The following RABGGTA variants were observed in gnomAD, a reference collection of about 807,000 sequenced individuals.
RABGGTA encodes Rab geranylgeranyltransferase subunit alpha.
Under a neutral mutation model 83.3 loss-of-function variants are expected in RABGGTA, and 69 were observed. The observed-to-expected ratio is 0.83, with a 90% CI of 0.68 to 1.01. The LOEUF (loss-of-function observed/expected upper bound fraction) is 1.01, where lower values mean the gene tolerates loss of function less well. Ranked by LOEUF, RABGGTA falls within the 50% of genes least tolerant of loss-of-function variation. The pLI, the probability that RABGGTA is intolerant of heterozygous loss-of-function variation, is 0.00. For missense variants in RABGGTA, 681 were observed against 712.7 expected (o/e 0.96, Z 0.51); for synonymous variants, 310 against 299.8 (o/e 1.03, Z -0.35).
chr14:24,271,012 A>G (rs1202336410), intron 2 of RABGGTA, 65 bp from the exon 3 acceptor site: 1 of 1,602,210 alleles, frequency 6.2e-7, no homozygotes, highest in Non-Finnish European at 8.5e-7. Context: ...CAAAAACCCC[A>G]CACTGTGGAG....
At position 24,270,381 on chromosome 14, in the gene RABGGTA, G is replaced by C; in HGVS notation, c.192C>G (p.Thr64=). ...GCACCTCTCGTCGGCAGTTCCAGAG[G>C]GTGGCAAAATCAGGGTTGGCTCCCA... ...QILGANPDFA[T]LWNCRREVLQ... The change falls in exon 4 of 17, where the codon ACC becomes ACG. Residue 64 remains threonine, a synonymous_variant. Transcript: ENST00000216840. 1.2e-6 allele frequency: 2 copies of C among 1,613,976 alleles called. No homozygotes were observed. Among genetic ancestry groups the C allele is most frequent in the Non-Finnish European group, 1.7e-6 (2 of 1,179,880 alleles).
chr14:24,266,991 G>T, intron 14 of RABGGTA, 102 bp from the exon 15 acceptor site: 1 of 843,154 alleles, frequency 1.2e-6, no homozygotes, highest in Non-Finnish European at 2.0e-6. Context: ...TGCCCCACAG[G>T]CCCTTGGGGA....
chr14:24,266,745 C>A lies in RABGGTA; in HGVS notation c.1467+31G>T, dbSNP rs533780062. 3 of 1,569,596 alleles carry A rather than the reference C, an allele frequency of 1.9e-6. No individual in the cohort carries two copies. In the Admixed American group the frequency reaches 5.0e-5, roughly 26 times the overall value. ...GGAGAGGAAGAGGAAAAGAACCACC[C>A]GTGACAGGGACGGAGACATGGGTAC... On this transcript the variant is annotated intron_variant, in intron 15 of 16. Transcript: ENST00000216840.
chr14:24,267,775 G>A lies in RABGGTA; in HGVS notation c.1238C>T (p.Ala413Val), dbSNP rs1217481883. ...ATACGTTGCCCGCATGGGGTCCACG[G>A]CCTGGAGTGGATGAGGTGGGCAGGG... ...ETLQYFQTLK[A>V]VDPMRATYLD... Residue 413 changes from alanine to valine, a missense_variant and splice_region_variant, in exon 14 of 17, where the codon GCC (alanine) becomes GTC (valine). By Grantham distance (64) the Ala-to-Val change is moderately conservative. Coordinates refer to ENST00000216840, the MANE Select transcript of RABGGTA (RefSeq NM_182836.3). 6.2e-7 allele frequency: 1 copy of A among 1,612,406 alleles called. No individual in the cohort carries two copies. Among genetic ancestry groups the A allele is most frequent in the South Asian group, 1.1e-5 (1 of 90,988 alleles).
chr14:24,270,951 C>G lies in RABGGTA; in HGVS notation c.4-4G>C. ...TCTTCACCTTCAGGCGTCCGTGCTA[C>G]AAGGATGAACGGGTTGGAAGAGTGC... On this transcript the variant is annotated splice_polypyrimidine_tract_variant and splice_region_variant and intron_variant, in intron 2 of 16. Coordinates refer to ENST00000216840, the MANE Select transcript of RABGGTA (RefSeq NM_182836.3). 3 of 1,613,520 alleles carry G rather than the reference C, an allele frequency of 1.9e-6. No homozygotes were observed. Among genetic ancestry groups the G allele is most frequent in the Middle Eastern group, 1.6e-4 (1 of 6,062 alleles).
Position 24,269,621 on chromosome 14 carries a change from A to G in RABGGTA, c.501T>C (p.Thr167=), listed in dbSNP as rs1282800838. The G allele has an allele frequency of 1.2e-6, 2 of 1,613,986 alleles. No homozygotes were observed. The highest frequency in any genetic ancestry group is 1.7e-6 in the Non-Finnish European group (2 of 1,179,838). Residue 167 remains threonine (T), a synonymous_variant, in exon 6 of 17, where the codon ACT becomes ACC. Transcript: ENST00000216840. ...AVPPAEELAF[T]DSLITRNFSN... ...AGAAGTTTCGGGTGATGAGGCTGTC[A>G]GTGAAGGCTAGCTCTTCTGCAGGGG...
At position 24,271,141 on chromosome 14, in the gene RABGGTA, G is replaced by A. The variant is rs376291220; in HGVS notation, c.-26C>T. 1.1e-3 allele frequency: 1,731 copies of A among 1,533,576 alleles called. 2 individuals are homozygous for A. The highest frequency in any genetic ancestry group is 1.4e-3 in the Non-Finnish European group (1,617 of 1,141,400). 95.0% of individuals were successfully genotyped at this position (1,533,576 alleles called of 1,614,324 possible). A position where few individuals can be genotyped will look rare whatever the true frequency, so the allele number is the denominator to read the frequency against. The stretch of plus-strand genomic sequence containing the variant: ...GGTGCCGGCTCAGGGTTCAAGACAG[G>A]GGAAGGGTCCAGTGGTAGCCCTTGA... On this transcript the variant is annotated 5_prime_UTR_variant, in exon 2 of 17. Transcript: ENST00000216840.
intron 16 of RABGGTA, 72 bp from the exon 17 acceptor site, chr14:24,265,835 C>T (rs2040866899): frequency 6.7e-7 from 1 of 1,487,862 alleles, no homozygotes; most frequent in Middle Eastern, 2.5e-4. Flanking sequence ...CCCTCAAGAG[C>T]TGGGGACTGC....
Position 24,268,975 on chromosome 14 carries a change from A to G in RABGGTA, c.734T>C (p.Leu245Pro). 1 of 1,587,334 alleles carries G rather than the reference A, an allele frequency of 6.3e-7. No homozygotes were observed. Among genetic ancestry groups the G allele is most frequent in the Non-Finnish European group, 8.6e-7 (1 of 1,165,888 alleles). ...GTCCCGGCTCACATGCAGGCAGCGC[A>G]GTGCATCCTGGGGGTCAGCTGCGGG... is the stretch of plus-strand genomic sequence containing the variant. The part of the protein sequence containing the change: ...LLGRADPQDA[L>P]RCLHVSRDEA... Residue 245 changes from leucine (L) to proline (P), a missense_variant, in exon 8 of 17, where the codon CTG (leucine) becomes CCG (proline). Physicochemically the swap from Leu to Pro is moderately conservative, Grantham distance 98 (BLOSUM62 -3). Around this residue, in one of 5 missense-constraint regions of RABGGTA, gnomAD observed 421 missense variants for 418.5 expected, o/e 1.01. Coordinates refer to ENST00000216840, the MANE Select transcript of RABGGTA (RefSeq NM_182836.3).
intron 6 of RABGGTA, 142 bp downstream of exon 6, chr14:24,269,349 G>A (rs544099051): frequency 2.6e-6 from 3 of 1,132,594 alleles, no homozygotes; most frequent in Admixed American, 4.3e-5. Flanking sequence ...TTCAGCCAGG[G>A]ACTGATTCTT....
In RABGGTA at chr14:24,267,723, C is replaced by G. The variant is rs138412943; in HGVS notation, c.1290G>C (p.Leu430Phe). 126 of 1,612,094 alleles carry G rather than the reference C, an allele frequency of 7.8e-5. No individual in the cohort carries two copies. The highest frequency in any genetic ancestry group is 2.2e-4 in the Middle Eastern group (1 of 4,528). ...TYLDDLRSKF[L>F]LENSVLKMEY... ...CCATCTTGAGCACGCTATTCTCCAG[C>G]AAGAACTTGCTGCGCAGGTCATCCA... The change falls in exon 14 of 17, where the codon TTG becomes TTC. Residue 430 changes from leucine (L) to phenylalanine (F), a missense_variant. Coordinates refer to ENST00000216840, the MANE Select transcript of RABGGTA (RefSeq NM_182836.3).
rs1188304262 is a variant in RABGGTA at position 24,269,952 on chromosome 14, C to A, written c.427+1G>T. On this transcript the variant is annotated splice_donor_variant, in intron 5 of 16. Transcript: ENST00000216840. LOFTEE classifies it high-confidence loss of function. ...TGGGGACAGAATCTGCAGCCACGTA[C>A]AGTTCCGCTCATCCACCTCCAGGAA... 1 of 1,612,894 alleles carries A rather than the reference C, an allele frequency of 6.2e-7. No homozygotes were observed. Among genetic ancestry groups the A allele is most frequent in the African/African-American group, 1.3e-5 (1 of 74,908 alleles).
intron 16 of RABGGTA, 113 bp downstream of exon 16, chr14:24,266,317 C>T: frequency 3.1e-6 from 3 of 954,694 alleles, no homozygotes; most frequent in Non-Finnish European, 5.0e-6. Context: ...CTACAGAGCC[C>T]CCTCTCTCCT....
rs940111239 is a variant in RABGGTA, at chr14:24,269,257, C to T, written c.632-94G>A. Reference sequence around the variant, plus strand: ...TACCCTCTCCTTGGAGTACTTCCAGCCCCCAGTCTCACTTATATGCTGTCC... The same window carrying T: ...TACCCTCTCCTTGGAGTACTTCCAGTCCCCAGTCTCACTTATATGCTGTCC... On this transcript the variant is annotated intron_variant, in intron 6 of 16. Coordinates refer to ENST00000216840, the MANE Select transcript of RABGGTA (RefSeq NM_182836.3). 20 of 1,242,580 alleles carry T rather than the reference C, an allele frequency of 1.6e-5. No homozygotes were observed. In the Middle Eastern group the frequency reaches 5.9e-4, roughly 37 times the overall value. The allele number at this position is 1,242,580 out of a possible 1,614,324, so 77.0% of individuals were successfully genotyped here. A position where few individuals can be genotyped will look rare whatever the true frequency, so the allele number is the denominator to read the frequency against.
chr14:24,271,061 G>C, intron 2 of RABGGTA, 52 bp downstream of exon 2: 3 of 1,578,192 alleles, frequency 1.9e-6, no homozygotes, highest in South Asian at 2.3e-5. Context: ...ACTGCCACTG[G>C]GGGTGAGGGC....
intron 14 of RABGGTA, 32 bp from the exon 15 acceptor site, chr14:24,266,921 G>T: frequency 6.6e-7 from 1 of 1,518,840 alleles, no homozygotes; most frequent in Non-Finnish European, 9.1e-7. Context: ...GAGGTGATGG[G>T]CTTCCCAGGA....
At position 24,267,726 on chromosome 14, in the gene RABGGTA, G is replaced by C; in HGVS notation, c.1287C>G (p.Phe429Leu). Reference sequence around the variant, plus strand: ...TCTTGAGCACGCTATTCTCCAGCAAGAACTTGCTGCGCAGGTCATCCAGAT... The same window carrying C: ...TCTTGAGCACGCTATTCTCCAGCAACAACTTGCTGCGCAGGTCATCCAGAT... ...ATYLDDLRSK[F>L]LLENSVLKME... Residue 429 changes from phenylalanine (F) to leucine (L), a missense_variant, in exon 14 of 17, where the codon TTC (phenylalanine) becomes TTG (leucine). Phe to Leu is a conservative substitution (Grantham distance 22). Around this residue, in one of 5 missense-constraint regions of RABGGTA, gnomAD observed 421 missense variants for 418.5 expected, o/e 1.01. Transcript: ENST00000216840. 1.2e-6 allele frequency: 2 copies of C among 1,612,100 alleles called. No homozygotes were observed. The highest frequency in any genetic ancestry group is 8.5e-7 in the Non-Finnish European group (1 of 1,179,842).
intron 1 of RABGGTA, 60 bp from the exon 2 acceptor site, chr14:24,271,229 T>C (rs2040946025): frequency 1.5e-6 from 2 of 1,339,650 alleles, no homozygotes; most frequent in East Asian, 5.0e-5. Context: ...CACAGCTGTG[T>C]CCGGAAGCAG....
chr14:24,269,049 T>C (rs1313135282), intron 7 of RABGGTA, 31 bp downstream of exon 7: 1 of 1,590,062 alleles, frequency 6.3e-7, no homozygotes, highest in South Asian at 1.1e-5. Flanking sequence ...TATTAAGCGC[T>C]AAACACCCAG....
Sources: gnomAD v4.1 joint callset for allele counts on GRCh38, gnomAD v4.1.1 for gene constraint, gnomAD v4.1.1 regional missense constraint, MANE v1.5 for transcripts, NCBI Gene and HGNC (gene_info 2026-07-23, HGNC 2026-07-21) for gene names.